TULP4: variants seen among roughly 807,000 people sequenced by gnomAD.
The protein encoded by TULP4 is TUB like protein 4, also known as tubby-related protein 4.
TULP4 carries 16 observed loss-of-function variants against 129.0 expected under a neutral mutation model. That is an observed-to-expected ratio of 0.12 (90% confidence interval 0.08 to 0.19). TULP4 has a LOEUF of 0.19. Among genes scored for constraint, TULP4 ranks in the 10% least tolerant of loss-of-function variants. The pLI is 1.00. For synonymous variants in TULP4, 998 were observed against 854.0 expected (o/e 1.17, Z -2.94); for missense variants, 1,842 against 2,059.1 (o/e 0.89, Z 2.04).
At chr6:158,301,490 T>C (rs1583719301) in intron 1 of TULP4, among the ~76,000 whole-genome samples, 2 of 152,122 alleles carry the variant, frequency 1.3e-5, no homozygotes, top group African/African-American at 4.8e-5. Context: ...TGGCCTGAAC[T>C]TCGAGTTGAT....
intron 1 of TULP4, among the ~76,000 whole-genome samples, chr6:158,384,927 G>C (rs1284774032): frequency 6.6e-6 from 1 of 152,176 alleles, no homozygotes; most frequent in East Asian, 1.9e-4. Flanking sequence ...TGATCTGCTT[G>C]GAAAACTTCC....
intron 1 of TULP4, among the ~76,000 whole-genome samples, chr6:158,233,426 AGGTGTG>A (rs1043501649): frequency 3.3e-5 from 5 of 152,236 alleles, no homozygotes; most frequent in African/African-American, 1.2e-4. Flanking sequence ...AACCCGTTGC[AGGTGTG>A]GGTGTGGGTC....
upstream of TULP4, among the ~76,000 whole-genome samples, chr6:158,311,459 T>A (rs1480900960): frequency 3.6e-4 from 54 of 152,112 alleles, 1 homozygote; most frequent in Admixed American, 3.5e-3. Context: ...AGGAAGAAGA[T>A]GGAATGGATT....
intron 1 of TULP4, among the ~76,000 whole-genome samples, chr6:158,402,205 C>G (rs1445750725): frequency 2.0e-5 from 3 of 152,184 alleles, no homozygotes; most frequent in African/African-American, 7.2e-5. Context: ...CCATAGGGAG[C>G]TTTTCCTGTC....
At chr6:158,281,505 A>G (rs1010893861), upstream of TULP4, among the ~76,000 whole-genome samples, 6 of 152,106 alleles carry the variant, frequency 3.9e-5, no homozygotes, top group Non-Finnish European at 7.4e-5. Context: ...TCCGGTTTTT[A>G]TCCTTCCATT....
intron 2 of TULP4, among the ~76,000 whole-genome samples, chr6:158,424,822 A>T (rs1778437267): frequency 6.6e-6 from 1 of 151,724 alleles, no homozygotes; most frequent in Non-Finnish European, 1.5e-5. Flanking sequence ...CAACACATGA[A>T]ATGATGCCCA....
chr6:158,239,651 C>G (rs1303804467), intron 1 of TULP4, among the ~76,000 whole-genome samples: 1 of 71,652 alleles, frequency 1.4e-5, no homozygotes, highest in Non-Finnish European at 3.1e-5. Context: ...GACCCCCCCA[C>G]CTCCCTCCCG....
At chr6:158,271,198 G>A (rs1199655589) in intron 1 of TULP4, among the ~76,000 whole-genome samples, 1 of 150,338 alleles carries the variant, frequency 6.7e-6, no homozygotes, top group Non-Finnish European at 1.5e-5. Flanking sequence ...TTTAATATAA[G>A]CAGTTTTATG....
chr6:158,268,457 A>G (rs1778490320), intron 1 of TULP4, among the ~76,000 whole-genome samples: 1 of 152,222 alleles, frequency 6.6e-6, no homozygotes, highest in African/African-American at 2.4e-5. Context: ...GGCTGCTATA[A>G]CAAAATACCT....
Position 158,506,777 on chromosome 6 carries a change from C to A in TULP4, c.*83C>A. The A allele has an allele frequency of 1.0e-6, 1 of 972,932 alleles. No homozygotes were observed. Among genetic ancestry groups the A allele is most frequent in the South Asian group, 1.4e-5 (1 of 72,330 alleles). The allele number at this position is 972,932 out of a possible 1,614,324, so 60.3% of individuals were successfully genotyped here. On this transcript the variant is annotated 3_prime_UTR_variant, in exon 14 of 14. Transcript: ENST00000367097. ...ATGCCAGAGGAGCCCTCTAGGGGTC[C>A]GATGCCTGGGAGGACCAGAAGCCAA...
chr6:158,496,097 C>G (rs1562591345), intron 11 of TULP4, among the ~76,000 whole-genome samples: 1 of 152,164 alleles, frequency 6.6e-6, no homozygotes, highest in Non-Finnish European at 1.5e-5. Flanking sequence ...AAGGTCCATT[C>G]CAGAGCAACT....
At position 158,313,651 on chromosome 6, in the gene TULP4, A is replaced by G; in HGVS notation, c.-366A>G. 2.3e-6 allele frequency: 1 copy of G among 437,598 alleles called. No individual in the cohort carries two copies. Among genetic ancestry groups the G allele is most frequent in the East Asian group, 3.4e-5 (1 of 29,654 alleles). 27.1% of individuals were successfully genotyped at this position (437,598 alleles called of 1,614,324 possible). On this transcript the variant is annotated 5_prime_UTR_variant, in exon 1 of 14. The change creates a new upstream start codon in the 5' untranslated region. Coordinates refer to ENST00000367097, the MANE Select transcript of TULP4 (RefSeq NM_020245.5). ...CTGGAATCTCAGGCTGAATGAGAATAACCAAGTGGAGTAAAAAGAAGAAAA... is the reference window on the plus strand; with the variant it reads ...CTGGAATCTCAGGCTGAATGAGAATGACCAAGTGGAGTAAAAAGAAGAAAA...
At chr6:158,240,034 G>GT (rs1562490667) in intron 1 of TULP4, among the ~76,000 whole-genome samples, 2 of 117,840 alleles carry the variant, frequency 1.7e-5, no homozygotes, top group African/African-American at 2.9e-5. Flanking sequence ...GGCTGGCCGG[G>GT]CGGGGGGCTG....
intron 1 of TULP4, among the ~76,000 whole-genome samples, chr6:158,376,697 A>C (rs1238104256): frequency 2.0e-5 from 3 of 152,234 alleles, no homozygotes; most frequent in Admixed American, 2.0e-4. Flanking sequence ...GGCTGCCTGC[A>C]TGCTTTCTCA....
chr6:158,239,438 G>C (rs1307592696), intron 1 of TULP4, among the ~76,000 whole-genome samples: 10 of 60,224 alleles, frequency 1.7e-4, no homozygotes, highest in South Asian at 6.5e-4. Context: ...CCTCCCGGAC[G>C]GGGCGGCTGG....
chr6:158,426,454 C>T (rs1458087633), intron 2 of TULP4, among the ~76,000 whole-genome samples: 1 of 151,448 alleles, frequency 6.6e-6, no homozygotes, highest in Non-Finnish European at 1.5e-5. Flanking sequence ...CCAGTTATCC[C>T]AGCACCATTT....
At chr6:158,384,618 G>A (rs1262363075) in intron 1 of TULP4, among the ~76,000 whole-genome samples, 1 of 152,058 alleles carries the variant, frequency 6.6e-6, no homozygotes. Context: ...TTTATTAGTT[G>A]GCAGTGGTTG....
At position 158,508,160 on chromosome 6, in the gene TULP4, GTTGT is replaced by G. The variant is rs1780646738; in HGVS notation, c.*1469_*1472del. The G allele has an allele frequency of 6.6e-6, 1 of 151,530 alleles. No individual in the cohort carries two copies. The highest frequency in any genetic ancestry group is 1.5e-5 in the Non-Finnish European group (1 of 68,010). 9.4% of individuals were successfully genotyped at this position (151,530 alleles called of 1,614,324 possible). A position where few individuals can be genotyped will look rare whatever the true frequency, so the allele number is the denominator to read the frequency against. ...GTGTTTTTTGTTGTTGTTTTTTGTT[GTTGT>G]TTTTTGTTTTTGTTTTTGTTTTTCT... On this transcript the variant is annotated 3_prime_UTR_variant, in exon 14 of 14. Coordinates refer to ENST00000367097, the MANE Select transcript of TULP4 (RefSeq NM_020245.5).
intron 1 of TULP4, among the ~76,000 whole-genome samples, chr6:158,264,110 C>G (rs543877073): frequency 6.6e-6 from 1 of 152,220 alleles, no homozygotes; most frequent in South Asian, 2.1e-4. Flanking sequence ...AAAAACTTAA[C>G]AAAATTTTAC....
Sources: gnomAD v4.1 joint callset for allele counts (sites outside exome capture counted in the v4.1 genomes callset) on GRCh38, gnomAD v4.1.1 for gene constraint, MANE v1.5 for transcripts, NCBI Gene and HGNC (gene_info 2026-07-23, HGNC 2026-07-21) for gene names.